The following KNL1 variants were observed in gnomAD, a reference collection of about 807,000 sequenced individuals.
KNL1 encodes kinetochore scaffold 1, also known as outer kinetochore KNL1 complex subunit KNL1.
In KNL1, 66 loss-of-function variants were observed where a neutral mutation model predicts 201.3. The observed-to-expected ratio is 0.33, with a 90% CI of 0.27 to 0.40. KNL1 has a LOEUF of 0.40. Ranked by LOEUF, KNL1 falls within the 10% of genes least tolerant of loss-of-function variation. The pLI, the probability that KNL1 is intolerant of heterozygous loss-of-function variation, is 1.00. For synonymous variants in KNL1, 895 were observed against 899.2 expected, an observed-to-expected ratio of 1.00 and a Z score of 0.08; for missense variants, 2,815 against 2,690.5, an observed-to-expected ratio of 1.05 and a Z score of -1.02.
rs537682985 is a variant in KNL1, at chr15:40,658,590, A to C, written c.6714-749A>C. ...AAAAAAAAAAAAAAAGAAAGAAAGA[A>C]AAGAAATAATATATACCTAAGTTGG... On this transcript the variant is annotated intron_variant, in intron 24 of 25. Coordinates refer to ENST00000399668, the MANE Select transcript of KNL1 (RefSeq NM_144508.5). Among the ~76,000 whole-genome samples the C allele has an allele frequency of 1.2e-3, 176 of 150,900 alleles. 1 individual carries two copies. The highest frequency in any genetic ancestry group is 4.1e-3 in the African/African-American group (171 of 41,274).
rs996471669 is a variant in KNL1 at position 40,622,795 on chromosome 15, A to T, written c.2531A>T (p.Asn844Ile). 14 of 1,612,916 alleles carry T rather than the reference A, an allele frequency of 8.7e-6. No individual in the cohort carries two copies. Among genetic ancestry groups the T allele is most frequent in the Non-Finnish European group, 1.2e-5 (14 of 1,179,566 alleles). The stretch of plus-strand genomic sequence containing the variant: ...CCTAAATTTCCAAAGGAAAAGCAAA[A>T]TGTCAAAATTTGGGGAAGGAAAAGT... ...QKPKFPKEKQ[N>I]VKIWGRKSVG... The change falls in exon 10 of 26, where the codon AAT becomes ATT. Residue 844 changes from asparagine to isoleucine, a missense_variant. This residue lies in a region of KNL1 where 2,464 missense variants were observed against 2,291.7 expected (regional missense o/e 1.08). Transcript: ENST00000399668.
intron 8 of KNL1, among the ~76,000 whole-genome samples, chr15:40,618,414 T>C (rs932914935): frequency 1.3e-5 from 2 of 152,108 alleles, no homozygotes; most frequent in African/African-American, 2.4e-5. Context: ...TTCCTTAACA[T>C]AGAATAAAAG....
chr15:40,603,699 G>A (rs931516093), intron 2 of KNL1, among the ~76,000 whole-genome samples: 4 of 152,192 alleles, frequency 2.6e-5, no homozygotes, highest in Non-Finnish European at 5.9e-5. Flanking sequence ...GCTAGCCAGC[G>A]GTGTTAAACA....
At chr15:40,635,597 G>C (rs999982797) in intron 13 of KNL1, among the ~76,000 whole-genome samples, 1 of 151,978 alleles carries the variant, frequency 6.6e-6, no homozygotes, top group Non-Finnish European at 1.5e-5. Context: ...CAGATGATCC[G>C]CCCGCCTCAG....
In KNL1 at chr15:40,652,088, C is replaced by A. The variant is rs778150590; in HGVS notation, c.6398C>A (p.Thr2133Asn). The A allele has an allele frequency of 5.0e-6, 8 of 1,611,984 alleles. No homozygotes were observed. The African/African-American group carries it at 9.4e-5, about 19-fold the overall frequency. The stretch of plus-strand genomic sequence containing the variant: ...TATGACACGATACAACTCACCATCA[C>A]CTTTGAAGAGTCAGTTGGTAAGGAG... The part of the protein sequence containing the change: ...FVYDTIQLTI[T>N]FEESVVGFPF... The change falls in exon 21 of 26, where the codon ACC (threonine) becomes AAC (asparagine). Residue 2133 changes from threonine to asparagine, a missense_variant. Physicochemically the swap from Thr to Asn is moderately conservative, Grantham distance 65. Coordinates refer to ENST00000399668, the MANE Select transcript of KNL1 (RefSeq NM_144508.5).
At chr15:40,639,674 T>G (rs1893163321) in intron 13 of KNL1, among the ~76,000 whole-genome samples, 1 of 151,748 alleles carries the variant, frequency 6.6e-6, no homozygotes, top group African/African-American at 2.4e-5. Context: ...ATTGGCAGGC[T>G]GAGGTTGGGG....
chr15:40,631,787 A>C (rs1350867431), intron 13 of KNL1, among the ~76,000 whole-genome samples: 1 of 152,100 alleles, frequency 6.6e-6, no homozygotes, highest in Non-Finnish European at 1.5e-5. Context: ...GGCGAGAGGA[A>C]TGCTTGAGCT....
At position 40,655,017 on chromosome 15, in the gene KNL1, G is replaced by T. The variant is rs757222043; in HGVS notation, c.6484+40G>T. The stretch of plus-strand genomic sequence containing the variant: ...TTTAAGCCTCTAAAAATTTGTTGGG[G>T]CTGGGCACTATGGCTCATGCCTTTA... On this transcript the variant is annotated intron_variant, in intron 22 of 25. Coordinates refer to ENST00000399668, the MANE Select transcript of KNL1 (RefSeq NM_144508.5). 24 of 1,512,228 alleles carry T rather than the reference G, an allele frequency of 1.6e-5. 1 individual carries two copies. The African/African-American group carries it at 3.3e-4, about 21-fold the overall frequency. The allele number at this position is 1,512,228 out of a possible 1,614,324, so 93.7% of individuals were successfully genotyped here.
At chr15:40,640,218 T>G (rs1893186814) in intron 13 of KNL1, among the ~76,000 whole-genome samples, 1 of 151,722 alleles carries the variant, frequency 6.6e-6, no homozygotes, top group Non-Finnish European at 1.5e-5. Flanking sequence ...TGCTTCAGCT[T>G]CTGGAGTAGC....
Position 40,623,735 on chromosome 15 carries a change from C to G in KNL1, c.3471C>G (p.Phe1157Leu), listed in dbSNP as rs1247508985. The change falls in exon 10 of 26, where the codon TTC becomes TTG. Residue 1157 changes from phenylalanine to leucine, a missense_variant. Physicochemically the swap from Phe to Leu is conservative, Grantham distance 22. Transcript: ENST00000399668. ...AIRPMDKTVL[F>L]TDNYSDLEVT... is the part of the protein sequence containing the mutation. The stretch of plus-strand genomic sequence containing the variant: ...GGCCCATGGACAAAACCGTATTGTT[C>G]ACAGATAATTACAGTGATCTGGAAG... The G allele has an allele frequency of 6.8e-6, 11 of 1,613,924 alleles. No individual in the cohort carries two copies. Among genetic ancestry groups the G allele is most frequent in the Non-Finnish European group, 9.3e-6 (11 of 1,179,874 alleles).
chr15:40,594,939 A>C (rs1199299867), intron 1 of KNL1, among the ~76,000 whole-genome samples: 1 of 152,250 alleles, frequency 6.6e-6, no homozygotes, highest in Non-Finnish European at 1.5e-5. Flanking sequence ...AGTCAATATT[A>C]GTACTGCGCA....
At position 40,623,856 on chromosome 15, in the gene KNL1, G is replaced by A. The variant is rs774170941; in HGVS notation, c.3592G>A (p.Gly1198Ser). 2 of 1,613,514 alleles carry A rather than the reference G, an allele frequency of 1.2e-6. No homozygotes were observed. The highest frequency in any genetic ancestry group is 2.2e-5 in the South Asian group (2 of 91,040). The change falls in exon 10 of 26, where the codon GGT becomes AGT. Residue 1198 changes from glycine to serine, a missense_variant. Physicochemically the swap from Gly to Ser is moderately conservative, Grantham distance 56. Around this residue, in one of 3 missense-constraint regions of KNL1, gnomAD observed 2,464 missense variants for 2,291.7 expected, o/e 1.08. Coordinates refer to ENST00000399668, the MANE Select transcript of KNL1 (RefSeq NM_144508.5). The stretch of plus-strand genomic sequence containing the variant: ...TGGAATAGGAAAAGGAAAAAACTTG[G>A]GTGTTTCCTTTCCTAAGGATAATAG... ...KFGIGKGKNL[G>S]VSFPKDNSCV...
chr15:40,660,019 TC>T (rs1893862594), intron 25 of KNL1, among the ~76,000 whole-genome samples: 1 of 151,824 alleles, frequency 6.6e-6, no homozygotes, highest in Non-Finnish European at 1.5e-5. Context: ...CAAGTGATTC[TC>T]CAGCGTCAGC....
At chr15:40,644,915 G>A (rs545862767) in intron 14 of KNL1, 82 bp from the exon 15 acceptor site, 16 of 791,984 alleles carry the variant, frequency 2.0e-5, no homozygotes, top group African/African-American at 1.2e-4. Flanking sequence ...AGTCTCTTAC[G>A]TCTTTCCTTT....
rs1892671090 is a variant in KNL1, at chr15:40,624,547, A to T, written c.4283A>T (p.Asp1428Val). The T allele has an allele frequency of 6.2e-7, 1 of 1,613,962 alleles. No individual in the cohort carries two copies. The highest frequency in any genetic ancestry group is 8.5e-7 in the Non-Finnish European group (1 of 1,179,900). The change falls in exon 10 of 26, where the codon GAT becomes GTT. Residue 1428 changes from aspartate to valine, a missense_variant. By Grantham distance (152) the Asp-to-Val change is radical. Transcript: ENST00000399668. ...SKRVSFKLPK[D>V]QMKVYVDDIY... ...CGAGTATCTTTTAAGCTTCCAAAGG[A>T]TCAAATGAAAGTCTATGTTGATGAC...
chr15:40,662,057 A>G lies in KNL1; in HGVS notation c.6837-17A>G. The G allele has an allele frequency of 3.5e-6, 5 of 1,448,088 alleles. No homozygotes were observed. Among genetic ancestry groups the G allele is most frequent in the Non-Finnish European group, 4.9e-6 (5 of 1,030,446 alleles). 89.7% of individuals were successfully genotyped at this position (1,448,088 alleles called of 1,614,324 possible). A position where few individuals can be genotyped will look rare whatever the true frequency, so the allele number is the denominator to read the frequency against. On this transcript the variant is annotated splice_polypyrimidine_tract_variant and intron_variant, in intron 25 of 25. Coordinates refer to ENST00000399668, the MANE Select transcript of KNL1 (RefSeq NM_144508.5). ...CCGTCGCAAAAAAGAAAATTGATTA[A>G]CCTTTGTTCTTTCCAGCCAAGATGA...
Position 40,659,467 on chromosome 15 carries a change from T to TAAAG in KNL1, c.6836+7_6836+10dup, listed in dbSNP as rs1893839487. 2.5e-6 allele frequency: 4 copies of TAAAG among 1,611,592 alleles called. No homozygotes were observed. Among genetic ancestry groups the TAAAG allele is most frequent in the Non-Finnish European group, 3.4e-6 (4 of 1,178,726 alleles). On this transcript the variant is annotated splice_region_variant and intron_variant, in intron 25 of 25. Coordinates refer to ENST00000399668, the MANE Select transcript of KNL1 (RefSeq NM_144508.5). ...AATCACGTTGGGAACACTAGGTGAG[T>TAAAG]AAAGGGCCAACAGGGTAAGACTCTG...
chr15:40,607,313 C>A (rs747537199), intron 4 of KNL1, among the ~76,000 whole-genome samples: 109 of 152,202 alleles, frequency 7.2e-4, no homozygotes, highest in African/African-American at 1.2e-4. Flanking sequence ...ACGAAAAGAT[C>A]AGTATTCTTT....
In KNL1 at chr15:40,629,347, C is replaced by T; in HGVS notation, c.5658C>T (p.Pro1886=). Residue 1886 remains proline (P), a synonymous_variant, in exon 13 of 26, where the codon CCC becomes CCT. Transcript: ENST00000399668. ...LLQVHILIQK[P]RQSNLPGNFT... ...AGGTCCACATCTTGATACAGAAACC[C>T]CGACAGAGCAATCTCCCAGGCAATG... 6.2e-7 allele frequency: 1 copy of T among 1,604,992 alleles called. No homozygotes were observed. Among genetic ancestry groups the T allele is most frequent in the Non-Finnish European group, 8.5e-7 (1 of 1,177,774 alleles).
Sources: allele counts gnomAD v4.1 joint callset (sites outside exome capture counted in the v4.1 genomes callset), GRCh38; gene constraint gnomAD v4.1.1; regional missense constraint gnomAD v4.1.1; transcripts MANE v1.5; gene names NCBI Gene and HGNC (gene_info 2026-07-23, HGNC 2026-07-21).